Variants in GALNT11 observed in about 807,000 individuals in gnomAD.
The protein encoded by GALNT11 is polypeptide N-acetylgalactosaminyltransferase 11.
GALNT11 carries 47 observed loss-of-function variants against 72.7 expected under a neutral mutation model. The ratio of observed to expected loss-of-function variants is 0.65; its 90% CI spans 0.51 to 0.82. The LOEUF (loss-of-function observed/expected upper bound fraction) is 0.82, where lower values mean the gene tolerates loss of function less well. Ranked by LOEUF, GALNT11 falls within the 40% of genes least tolerant of loss-of-function variation. GALNT11 has a pLI of 0.00. For synonymous variants in GALNT11, 270 were observed against 286.6 expected, an observed-to-expected ratio of 0.94 and a Z score of 0.58; for missense variants, 677 against 778.4, an observed-to-expected ratio of 0.87 and a Z score of 1.55.
chr7:152,121,528 T>G lies in GALNT11; in HGVS notation c.1696-18T>G. ...GCCAGTAATTGGCAGTATTTTTTTGTTGCTACCTTTTTTTCAGAAAAACAA... is the reference window on the plus strand; with the variant it reads ...GCCAGTAATTGGCAGTATTTTTTTGGTGCTACCTTTTTTTCAGAAAAACAA... On this transcript the variant is annotated intron_variant, in intron 11 of 11. Coordinates refer to ENST00000430044, the MANE Select transcript of GALNT11 (RefSeq NM_022087.4). 1 of 1,602,678 alleles carries G rather than the reference T, an allele frequency of 6.2e-7. No homozygotes were observed. Among genetic ancestry groups the G allele is most frequent in the South Asian group, 1.1e-5 (1 of 89,182 alleles).
intron 1 of GALNT11, among the ~76,000 whole-genome samples, chr7:152,055,563 G>A (rs866947753): frequency 9.6e-4 from 107 of 111,918 alleles, no homozygotes; most frequent in African/African-American, 3.6e-3. Flanking sequence ...GTGTGTGTGT[G>A]TGTGTATATA....
At position 152,098,337 on chromosome 7, in the gene GALNT11, A is replaced by G. The variant is rs577874855; in HGVS notation, c.296-2461A>G. On this transcript the variant is annotated intron_variant, in intron 2 of 11. Coordinates refer to ENST00000430044, the MANE Select transcript of GALNT11 (RefSeq NM_022087.4). Reference sequence around the variant, plus strand: ...GCTGTAGTCCCAGCTACTTATGAGGATTGTTTGGGCCCAGGAGGCAGAGGC... The same window carrying G: ...GCTGTAGTCCCAGCTACTTATGAGGGTTGTTTGGGCCCAGGAGGCAGAGGC... Among the ~76,000 whole-genome samples the G allele has an allele frequency of 2.6e-5, 4 of 151,898 alleles. No homozygotes were observed. In the South Asian group the frequency reaches 6.2e-4, roughly 24 times the overall value.
chr7:152,031,286 G>A (rs931918078), intron 1 of GALNT11, among the ~76,000 whole-genome samples: 12 of 152,178 alleles, frequency 7.9e-5, no homozygotes, highest in African/African-American at 2.9e-4. Flanking sequence ...TAGCTAAGGG[G>A]ACTTATAAGA....
intron 1 of GALNT11, among the ~76,000 whole-genome samples, chr7:152,091,552 A>G (rs576141187): frequency 6.6e-6 from 1 of 151,798 alleles, no homozygotes; most frequent in South Asian, 2.1e-4. Context: ...AATTTTTTGT[A>G]TTTTTAGTAG....
chr7:152,086,870 A>G (rs1185772034), intron 1 of GALNT11, among the ~76,000 whole-genome samples: 3 of 152,250 alleles, frequency 2.0e-5, no homozygotes. Context: ...TTTTCCAAAA[A>G]TAAACATGGC....
chr7:152,057,011 T>A (rs1245841740), intron 1 of GALNT11, among the ~76,000 whole-genome samples: 1 of 148,772 alleles, frequency 6.7e-6, no homozygotes, highest in African/African-American at 2.5e-5. Flanking sequence ...GCTATTTTTT[T>A]TTTTTTTTTT....
At chr7:152,118,894 T>C in intron 10 of GALNT11, 112 bp downstream of exon 10, 1 of 777,008 alleles carries the variant, frequency 1.3e-6, no homozygotes, top group Non-Finnish European at 2.0e-6. Context: ...TGGCTTTTCT[T>C]AACCCATTTC....
chr7:152,056,892 A>G (rs868685087), intron 1 of GALNT11, among the ~76,000 whole-genome samples: 1 of 151,710 alleles, frequency 6.6e-6, no homozygotes, highest in Admixed American at 6.6e-5. Context: ...GCTGGAGTGC[A>G]GTACATGATC....
Position 152,109,763 on chromosome 7 carries a change from C to T in GALNT11, c.963-765C>T, listed in dbSNP as rs546361613. Among the ~76,000 whole-genome samples the T allele has an allele frequency of 2.0e-5, 3 of 152,102 alleles. No individual in the cohort carries two copies. In the East Asian group the frequency reaches 5.8e-4, roughly 29 times the overall value. ...ATTCATACCTGGGATGATGTTTTTTCCCTGCAGAGATAATTTTGCTTCTCT... is the reference window on the plus strand; with the variant it reads ...ATTCATACCTGGGATGATGTTTTTTTCCTGCAGAGATAATTTTGCTTCTCT... On this transcript the variant is annotated intron_variant, in intron 6 of 11. Coordinates refer to ENST00000430044, the MANE Select transcript of GALNT11 (RefSeq NM_022087.4).
chr7:152,091,762 T>C (rs911932684), intron 1 of GALNT11, among the ~76,000 whole-genome samples: 3 of 152,166 alleles, frequency 2.0e-5, no homozygotes, highest in African/African-American at 7.2e-5. Flanking sequence ...GCAAAGTTCC[T>C]TATGTGGAAT....
intron 8 of GALNT11, among the ~76,000 whole-genome samples, chr7:152,116,108 T>C (rs1333637353): frequency 6.6e-6 from 1 of 152,198 alleles, no homozygotes; most frequent in Non-Finnish European, 1.5e-5. Flanking sequence ...TTTTTGATAT[T>C]GTATAGTGAA....
intron 6 of GALNT11, among the ~76,000 whole-genome samples, chr7:152,109,509 A>G (rs2087954369): frequency 6.6e-6 from 1 of 152,176 alleles, no homozygotes; most frequent in African/African-American, 2.4e-5. Flanking sequence ...TGAAGTAACT[A>G]ATTTGCTGCC....
intron 1 of GALNT11, among the ~76,000 whole-genome samples, chr7:152,046,109 CT>C (rs1300140290): frequency 3.9e-5 from 6 of 152,170 alleles, no homozygotes; most frequent in Admixed American, 2.0e-4. Flanking sequence ...CCAAATTCTT[CT>C]TGTAATTGAT....
chr7:152,036,284 C>T (rs531156283), intron 1 of GALNT11, among the ~76,000 whole-genome samples: 34 of 152,210 alleles, frequency 2.2e-4, no homozygotes, highest in African/African-American at 7.0e-4. Context: ...TCTCTCTCTC[C>T]GTGAGTTCAA....
intron 10 of GALNT11, chr7:152,120,624 GT>G (rs2089337334): frequency 1.9e-6 from 1 of 525,232 alleles, no homozygotes; most frequent in Non-Finnish European, 3.4e-6. Context: ...CACTGCTTAG[GT>G]TTCTTCCCAG....
chr7:152,034,141 G>A (rs1041071297), intron 1 of GALNT11, among the ~76,000 whole-genome samples: 1 of 152,182 alleles, frequency 6.6e-6, no homozygotes, highest in South Asian at 2.1e-4. Context: ...AGGGGTTTTT[G>A]TGGTTCTTTG....
rs760790951 is a variant in GALNT11, at chr7:152,105,271, T to C, written c.613T>C (p.Tyr205His). The C allele has an allele frequency of 2.5e-5, 41 of 1,613,780 alleles. No homozygotes were observed. The highest frequency in any genetic ancestry group is 3.5e-5 in the Non-Finnish European group (41 of 1,179,924). The stretch of plus-strand genomic sequence containing the variant: ...TGATTTGAAAGGAGAACTAGATGAA[T>C]ATGTCCAAAAATACCTCCCTGGAAA... ...FDDLKGELDE[Y>H]VQKYLPGKIK... is the part of the protein sequence containing the mutation. Residue 205 changes from tyrosine to histidine, a missense_variant, in exon 5 of 12, where the codon TAT (tyrosine) becomes CAT (histidine). By Grantham distance (83) the Tyr-to-His change is moderately conservative. Coordinates refer to ENST00000430044, the MANE Select transcript of GALNT11 (RefSeq NM_022087.4).
chr7:152,091,032 A>C (rs2085989380), intron 1 of GALNT11, among the ~76,000 whole-genome samples: 1 of 151,628 alleles, frequency 6.6e-6, no homozygotes, highest in Non-Finnish European at 1.5e-5. Flanking sequence ...GTGGTTGGAG[A>C]GGGAGTTTTT....
rs1483621610 is a variant in GALNT11, at chr7:152,117,370, G to A, written c.1447G>A (p.Gly483Arg). The change falls in exon 9 of 12, where the codon GGA (glycine) becomes AGA (arginine). Residue 483 changes from glycine to arginine, a missense_variant. By Grantham distance (125) the Gly-to-Arg change is moderately radical (BLOSUM62 -2). Transcript: ENST00000430044. ...AAAACGACCCAAAGTCCTTCAACGTGGAAGGGTAAGAAAGCTGTTTTTTCC... is the reference window on the plus strand; with the variant it reads ...AAAACGACCCAAAGTCCTTCAACGTAGAAGGGTAAGAAAGCTGTTTTTTCC... ...GPKRPKVLQR[G>R]RLYHLQTNKC... The A allele has an allele frequency of 5.0e-6, 8 of 1,613,922 alleles. No homozygotes were observed. The highest frequency in any genetic ancestry group is 1.3e-5 in the African/African-American group (1 of 74,904).
Sources: gnomAD v4.1 joint callset for allele counts (sites outside exome capture counted in the v4.1 genomes callset) on GRCh38, gnomAD v4.1.1 for gene constraint, MANE v1.5 for transcripts, NCBI Gene and HGNC (gene_info 2026-07-23, HGNC 2026-07-21) for gene names.